The following RNF13 variants were observed in gnomAD, a reference collection of about 807,000 sequenced individuals.
RNF13 encodes the protein ring finger protein 13, also known as E3 ubiquitin-protein ligase RNF13.
RNF13 carries 19 observed loss-of-function variants against 37.7 expected under a neutral mutation model. The ratio of observed to expected loss-of-function variants is 0.50; its 90% CI spans 0.35 to 0.74. The LOEUF (loss-of-function observed/expected upper bound fraction) is 0.74. Ranked by LOEUF, RNF13 falls within the 30% of genes least tolerant of loss-of-function variation. The pLI, the probability that RNF13 is intolerant of heterozygous loss-of-function variation, is 0.01. For synonymous variants in RNF13, 144 were observed against 157.8 expected (o/e 0.91, Z 0.65); for missense variants, 375 against 453.0 (o/e 0.83, Z 1.56).
At chr3:149,938,487 A>AT (rs112240963) in intron 8 of RNF13, among the ~76,000 whole-genome samples, 4,202 of 139,442 alleles carry the variant, frequency 0.03, 116 homozygotes, top group African/African-American at 0.077. Flanking sequence ...TGTTATTATT[A>AT]TTTTTTTTTT....
intron 8 of RNF13, among the ~76,000 whole-genome samples, chr3:149,927,514 G>T (rs1250313131): frequency 6.6e-6 from 1 of 152,182 alleles, no homozygotes. Flanking sequence ...GAGTGATATT[G>T]TTTAACTTTA....
At chr3:149,948,856 A>T (rs1721030203) in intron 8 of RNF13, among the ~76,000 whole-genome samples, 2 of 152,130 alleles carry the variant, frequency 1.3e-5, no homozygotes, top group Non-Finnish European at 2.9e-5. Flanking sequence ...GTGAAACCTC[A>T]TCTCTACAAA....
chr3:149,856,786 G>A (rs1051749284), intron 3 of RNF13, among the ~76,000 whole-genome samples: 2 of 152,006 alleles, frequency 1.3e-5, no homozygotes, highest in Admixed American at 6.5e-5. Context: ...TCACTCTGTC[G>A]CCCAGGCTGG....
chr3:149,819,054 G>A (rs1719765899), intron 1 of RNF13, among the ~76,000 whole-genome samples: 1 of 152,186 alleles, frequency 6.6e-6, no homozygotes, highest in Admixed American at 6.5e-5. Flanking sequence ...AATTAGCTGG[G>A]TGATTTTGCA....
intron 1 of RNF13, among the ~76,000 whole-genome samples, chr3:149,838,769 A>G (rs1043829554): frequency 7.2e-5 from 11 of 151,962 alleles, no homozygotes; most frequent in Middle Eastern, 3.4e-3. Context: ...TTTCTTGGCA[A>G]TTAACATTTG....
intron 1 of RNF13, chr3:149,817,287 A>C (rs758576354): frequency 2.2e-4 from 33 of 152,100 alleles, no homozygotes; most frequent in Non-Finnish European, 3.4e-4. Flanking sequence ...TTTTCCCTTT[A>C]GTGTATTTTG....
At chr3:149,870,834 G>A (rs1355620622) in intron 3 of RNF13, among the ~76,000 whole-genome samples, 1 of 151,756 alleles carries the variant, frequency 6.6e-6, no homozygotes, top group Admixed American at 6.6e-5. Flanking sequence ...TCAGGGAGGA[G>A]AAATTGCCAA....
chr3:149,938,066 C>G (rs1719878423), intron 8 of RNF13, among the ~76,000 whole-genome samples: 1 of 151,880 alleles, frequency 6.6e-6, no homozygotes, highest in African/African-American at 2.4e-5. Flanking sequence ...ATCTGTTTCT[C>G]CTTGCAGTTC....
At chr3:149,834,413 A>G (rs113281326) in intron 1 of RNF13, among the ~76,000 whole-genome samples, 20 of 152,364 alleles carry the variant, frequency 1.3e-4, no homozygotes, top group African/African-American at 4.6e-4. Context: ...ATGGAATAGA[A>G]TAAAGAGCTC....
At chr3:149,906,802 C>A (rs1716459457) in intron 6 of RNF13, among the ~76,000 whole-genome samples, 1 of 151,814 alleles carries the variant, frequency 6.6e-6, no homozygotes, top group Non-Finnish European at 1.5e-5. Flanking sequence ...CAGGCATGCA[C>A]CACCTTGCCC....
chr3:149,839,365 C>T (rs978346015), intron 1 of RNF13, among the ~76,000 whole-genome samples: 1 of 92,556 alleles, frequency 1.1e-5, no homozygotes. Flanking sequence ...GTACCCACTC[C>T]ACTGGTACCA....
intron 8 of RNF13, among the ~76,000 whole-genome samples, chr3:149,958,740 GAT>G (rs1722100794): frequency 6.6e-6 from 1 of 152,210 alleles, no homozygotes; most frequent in Non-Finnish European, 1.5e-5. Flanking sequence ...AATAATTGCA[GAT>G]ATATCAGAGG....
intron 3 of RNF13, among the ~76,000 whole-genome samples, chr3:149,855,022 A>G (rs763577394): frequency 2.6e-5 from 4 of 152,156 alleles, no homozygotes; most frequent in East Asian, 1.9e-4. Context: ...GTCTACTGCA[A>G]TAATTACCCT....
At chr3:149,923,625 G>C (rs1315604852) in intron 8 of RNF13, among the ~76,000 whole-genome samples, 1 of 151,834 alleles carries the variant, frequency 6.6e-6, no homozygotes, top group Non-Finnish European at 1.5e-5. Flanking sequence ...AATTAGCCGG[G>C]TGTGGTGGTG....
intron 4 of RNF13, among the ~76,000 whole-genome samples, chr3:149,877,218 A>C (rs945811828): frequency 3.3e-5 from 5 of 152,174 alleles, no homozygotes; most frequent in Admixed American, 2.6e-4. Context: ...ATATTTGCAA[A>C]GTGATTTACT....
chr3:149,886,071 A>G (rs1198896387), intron 4 of RNF13, among the ~76,000 whole-genome samples: 1 of 152,094 alleles, frequency 6.6e-6, no homozygotes, highest in African/African-American at 2.4e-5. Context: ...TGTGTTTTCT[A>G]TTCTGTTCCA....
intron 4 of RNF13, among the ~76,000 whole-genome samples, chr3:149,892,228 A>G (rs1172529077): frequency 1.3e-5 from 2 of 152,186 alleles, no homozygotes; most frequent in African/African-American, 4.8e-5. Context: ...TGATATTGAT[A>G]TAATTTTGTA....
chr3:149,915,336 T>C (rs1717393412), intron 7 of RNF13, among the ~76,000 whole-genome samples: 1 of 152,178 alleles, frequency 6.6e-6, no homozygotes, highest in Admixed American at 6.5e-5. Context: ...ATCTGGATAT[T>C]CAGGTAAAAG....
chr3:149,895,903 T>G (rs934332847), intron 5 of RNF13, among the ~76,000 whole-genome samples: 1 of 152,224 alleles, frequency 6.6e-6, no homozygotes, highest in African/African-American at 2.4e-5. Context: ...TTTTAGGGTA[T>G]GCACATACAC....
Sources: allele counts gnomAD v4.1 joint callset (sites outside exome capture counted in the v4.1 genomes callset), GRCh38; gene constraint gnomAD v4.1.1; transcripts MANE v1.5; gene names NCBI Gene and HGNC (gene_info 2026-07-23, HGNC 2026-07-21).